Variants in FAS observed in about 807,000 individuals in gnomAD.
The protein encoded by FAS is Fas cell surface death receptor.
A neutral mutation model predicts 33.2 loss-of-function variants in FAS; 5 were observed. That is an observed-to-expected ratio of 0.15 (90% CI 0.08 to 0.32). The LOEUF (loss-of-function observed/expected upper bound fraction) is 0.32. Among genes scored for constraint, FAS ranks in the 10% least tolerant of loss-of-function variants. The pLI is 1.00. For missense variants in FAS, 339 were observed against 386.0 expected, an observed-to-expected ratio of 0.88 and a Z score of 1.02; for synonymous variants, 131 against 130.7, an observed-to-expected ratio of 1.00 and a Z score of -0.01.
At chr10:88,995,802 G>T (rs1178411891) in intron 1 of FAS, among the ~76,000 whole-genome samples, 1 of 152,074 alleles carries the variant, frequency 6.6e-6, no homozygotes, top group Non-Finnish European at 1.5e-5. Context: ...CTCCAGGCTG[G>T]GCGACAGAGT....
rs139477982 is a variant in FAS, at chr10:88,999,686, A to G, written c.31-3343A>G. Among the ~76,000 whole-genome samples the G allele has an allele frequency of 1.7e-3, 265 of 152,310 alleles. 8 individuals are homozygous for G. In the South Asian group the frequency reaches 0.024, roughly 14 times the overall value. ...CCCATGTCATCTCTAGAGGCATAAA[A>G]ATAGACAGTTGTTCTGAGAAACATA... On this transcript the variant is annotated intron_variant, in intron 1 of 8. Coordinates refer to ENST00000652046, the MANE Select transcript of FAS (RefSeq NM_000043.6).
intron 6 of FAS, among the ~76,000 whole-genome samples, chr10:89,011,390 A>C (rs887522721): frequency 2.6e-5 from 4 of 152,352 alleles, no homozygotes; most frequent in Non-Finnish European, 5.9e-5. Flanking sequence ...GGTCACACCA[A>C]CTTTCAGTAA....
chr10:89,014,410 A>G lies in FAS; in HGVS notation c.968A>G (p.Glu323Gly). The G allele has an allele frequency of 6.2e-7, 1 of 1,612,484 alleles. No homozygotes were observed. The highest frequency in any genetic ancestry group is 8.5e-7 in the Non-Finnish European group (1 of 1,179,922). ...IILKDITSDS[E>G]NSNFRNEIQS... ...CTCAAGGACATTACTAGTGACTCAG[A>G]AAATTCAAACTTCAGAAATGAAATC... Residue 323 changes from glutamate (E) to glycine (G), a missense_variant, in exon 9 of 9, where the codon GAA (glutamate) becomes GGA (glycine). This residue lies in a region of FAS where 52 missense variants were observed against 52.7 expected (regional missense o/e 0.99). Coordinates refer to ENST00000652046, the MANE Select transcript of FAS (RefSeq NM_000043.6).
At position 89,015,447 on chromosome 10, in the gene FAS, C is replaced by T. The variant is rs1316378744; in HGVS notation, c.*997C>T. 1 of 533,394 alleles carries T rather than the reference C, an allele frequency of 1.9e-6. No homozygotes were observed. The highest frequency in any genetic ancestry group is 1.5e-5 in the South Asian group (1 of 64,924). 33.0% of individuals were successfully genotyped at this position (533,394 alleles called of 1,614,324 possible). A position where few individuals can be genotyped will look rare whatever the true frequency, so the allele number is the denominator to read the frequency against. ...CACCCCCGAAAATGTTCAATAATGT[C>T]CCATGTAAAACCTGCTACAAATGGC... On this transcript the variant is annotated 3_prime_UTR_variant, in exon 9 of 9. Transcript: ENST00000652046.
At chr10:88,970,464 G>A (rs569077417) in intron 1 of FAS, among the ~76,000 whole-genome samples, 2 of 152,292 alleles carry the variant, frequency 1.3e-5, no homozygotes, top group African/African-American at 4.8e-5. Flanking sequence ...CGTTCAGTTA[G>A]TGCTGAGACT....
chr10:88,983,103 T>C (rs1379498378), upstream of FAS, among the ~76,000 whole-genome samples: 1 of 152,216 alleles, frequency 6.6e-6, no homozygotes, highest in African/African-American at 2.4e-5. Flanking sequence ...ATATTGAGGT[T>C]TGAAATGCAC....
intron 1 of FAS, among the ~76,000 whole-genome samples, chr10:88,998,879 G>A (rs1847756566): frequency 6.6e-6 from 1 of 152,118 alleles, no homozygotes; most frequent in African/African-American, 2.4e-5. Flanking sequence ...AATTCGGCCG[G>A]GCATGGTGGC....
At chr10:88,967,811 C>T (rs1006873169) in intron 1 of FAS, among the ~76,000 whole-genome samples, 1 of 152,174 alleles carries the variant, frequency 6.6e-6, no homozygotes, top group African/African-American at 2.4e-5. Context: ...TCATTTCAAT[C>T]ATCCCTAAAT....
chr10:88,973,158 C>A, intron 1 of FAS: 2 of 1,600,968 alleles, frequency 1.2e-6, no homozygotes, highest in Non-Finnish European at 1.7e-6. Flanking sequence ...CTCTCACCTT[C>A]CCTTTCTTCT....
chr10:89,007,565 A>G, intron 2 of FAS, 135 bp from the exon 3 acceptor site: 2 of 1,019,862 alleles, frequency 2.0e-6, no homozygotes, highest in Non-Finnish European at 2.9e-6. Context: ...CCCCCATTGT[A>G]TTTATATCTC....
chr10:89,010,762 C>T lies in FAS; in HGVS notation c.515C>T (p.Ser172Phe). 6.2e-7 allele frequency: 1 copy of T among 1,614,074 alleles called. No individual in the cohort carries two copies. Among genetic ancestry groups the T allele is most frequent in the Non-Finnish European group, 8.5e-7 (1 of 1,179,986 alleles). Residue 172 changes from serine to phenylalanine, a missense_variant, in exon 6 of 9, where the codon TCT (serine) becomes TTT (phenylalanine). Ser to Phe is a radical substitution (Grantham distance 155). This residue lies in a region of FAS where 276 missense variants were observed against 300.1 expected (regional missense o/e 0.92). Coordinates refer to ENST00000652046, the MANE Select transcript of FAS (RefSeq NM_000043.6). The part of the protein sequence containing the change: ...NTKCKEEGSR[S>F]NLGWLCLLLL... ...ATGTTCCAACCTACAGGATCCAGAT[C>T]TAACTTGGGGTGGCTTTGTCTTCTT...
intron 1 of FAS, among the ~76,000 whole-genome samples, chr10:88,972,460 C>T (rs558323952): frequency 9.9e-5 from 15 of 152,040 alleles, no homozygotes; most frequent in African/African-American, 1.2e-4. Context: ...TGATACAGTT[C>T]GATTTAGATT....
rs776868987 is a variant in FAS at position 89,010,644 on chromosome 10, A to T, written c.505+44A>T. 9.3e-6 allele frequency: 15 copies of T among 1,606,026 alleles called. 3 individuals carry two copies. In the South Asian group the frequency reaches 1.3e-4, roughly 14 times the overall value. On this transcript the variant is annotated intron_variant, in intron 5 of 8. Coordinates refer to ENST00000652046, the MANE Select transcript of FAS (RefSeq NM_000043.6). ...TTATATTCTCCTTTCCCCCAACCCC[A>T]TGGAAAGATGTGAAGAAAAACCAAT... is the stretch of plus-strand genomic sequence containing the variant.
At chr10:89,002,369 C>T (rs1847975993) in intron 1 of FAS, among the ~76,000 whole-genome samples, 1 of 151,952 alleles carries the variant, frequency 6.6e-6, no homozygotes, top group Non-Finnish European at 1.5e-5. Flanking sequence ...GAATTGTGGC[C>T]CTTCTCATAA....
In FAS at chr10:89,016,680, A is replaced by T. The variant is rs911332736; in HGVS notation, c.*2230A>T. The T allele has an allele frequency of 8.9e-6, 2 of 223,760 alleles. No individual in the cohort carries two copies. Among genetic ancestry groups the T allele is most frequent in the African/African-American group, 4.5e-5 (2 of 44,786 alleles). 13.9% of individuals were successfully genotyped at this position (223,760 alleles called of 1,614,324 possible). On this transcript the variant is annotated 3_prime_UTR_variant, in exon 9 of 9. Coordinates refer to ENST00000652046, the MANE Select transcript of FAS (RefSeq NM_000043.6). Reference sequence around the variant, plus strand: ...GACCCCACGGTCCAGAATCATCCTCATTCTGGTGAACCTGGTTCTCTTTGT... The same window carrying T: ...GACCCCACGGTCCAGAATCATCCTCTTTCTGGTGAACCTGGTTCTCTTTGT...
At position 89,016,843 on chromosome 10, in the gene FAS, C is replaced by T. The variant is rs1298091982; in HGVS notation, c.*2393C>T. Reference sequence around the variant, plus strand: ...ATCTTGGTCTTCTTTATTGGCATGCCCACAGGGTCTTCTGACCTCTGATTA... The same window carrying T: ...ATCTTGGTCTTCTTTATTGGCATGCTCACAGGGTCTTCTGACCTCTGATTA... On this transcript the variant is annotated 3_prime_UTR_variant, in exon 9 of 9. Transcript: ENST00000652046. 2.9e-5 allele frequency: 6 copies of T among 207,786 alleles called. No individual in the cohort carries two copies. Among genetic ancestry groups the T allele is most frequent in the East Asian group, 7.3e-5 (1 of 13,656 alleles). 12.9% of individuals were successfully genotyped at this position (207,786 alleles called of 1,614,324 possible). A position where few individuals can be genotyped will look rare whatever the true frequency, so the allele number is the denominator to read the frequency against.
At chr10:89,014,005 C>A in intron 8 of FAS, 114 bp from the exon 9 acceptor site, 3 of 1,092,966 alleles carry the variant, frequency 2.7e-6, no homozygotes, top group South Asian at 2.8e-5. Context: ...TCTTCATAGA[C>A]CTTTAGGACT....
intron 1 of FAS, among the ~76,000 whole-genome samples, chr10:88,964,491 G>A (rs895711688): frequency 1.1e-4 from 16 of 152,282 alleles, no homozygotes; most frequent in South Asian, 2.1e-4. Flanking sequence ...ATATAGTAAA[G>A]TCTGTTATGT....
upstream of FAS, among the ~76,000 whole-genome samples, chr10:88,990,313 C>T (rs1417332273): frequency 6.6e-6 from 1 of 152,186 alleles, no homozygotes; most frequent in East Asian, 1.9e-4. This position sits in a 1 kb window ranked among gnomAD's most constrained non-coding sequence, Gnocchi z 4.9. Flanking sequence ...GCTCCTGTAC[C>T]CAGGCAGGAC....
Sources: allele counts gnomAD v4.1 joint callset (sites outside exome capture counted in the v4.1 genomes callset), GRCh38; gene constraint gnomAD v4.1.1; regional missense constraint gnomAD v4.1.1; non-coding constraint Gnocchi (gnomAD v3.1); transcripts MANE v1.5; gene names NCBI Gene and HGNC (gene_info 2026-07-23, HGNC 2026-07-21).